The following LTBP1 variants were observed in gnomAD, a reference collection of about 807,000 sequenced individuals.
LTBP1 encodes the protein latent-transforming growth factor beta-binding protein 1.
LTBP1 carries 129 observed loss-of-function variants against 207.6 expected under a neutral mutation model. The observed-to-expected ratio is 0.62, with a 90% CI of 0.54 to 0.72. The LOEUF (loss-of-function observed/expected upper bound fraction) is 0.72, where lower values mean the gene tolerates loss of function less well. Ranked by LOEUF, LTBP1 falls within the 30% of genes least tolerant of loss-of-function variation. The pLI is 0.00. For missense variants in LTBP1, 2,281 were observed against 2,217.2 expected (o/e 1.03, Z -0.58); for synonymous variants, 963 against 833.7 (o/e 1.16, Z -2.67).
chr2:33,354,198 A>G (rs997890765), intron 26 of LTBP1, among the ~76,000 whole-genome samples: 30 of 152,110 alleles, frequency 2.0e-4, no homozygotes, highest in African/African-American at 7.2e-4. Context: ...AGGAAGCCAC[A>G]TGTGACAATC....
intron 19 of LTBP1, among the ~76,000 whole-genome samples, chr2:33,288,213 C>T (rs1349072162): frequency 1.3e-5 from 2 of 152,124 alleles, no homozygotes; most frequent in Non-Finnish European, 2.9e-5. Flanking sequence ...AATTACTGCT[C>T]CGGGACAAAT....
At chr2:32,970,320 T>A (rs1052236473) in intron 2 of LTBP1, among the ~76,000 whole-genome samples, 1 of 152,226 alleles carries the variant, frequency 6.6e-6, no homozygotes, top group Non-Finnish European at 1.5e-5. Flanking sequence ...TTTGGCATCT[T>A]TGTCATGAAA....
chr2:33,220,658 A>G (rs2091045098), intron 8 of LTBP1, among the ~76,000 whole-genome samples: 1 of 152,198 alleles, frequency 6.6e-6, no homozygotes, highest in African/African-American at 2.4e-5. Flanking sequence ...TTCTAAAACA[A>G]GTTCATATCC....
chr2:33,329,480 A>G (rs545499696), intron 24 of LTBP1, among the ~76,000 whole-genome samples: 210 of 152,252 alleles, frequency 1.4e-3, no homozygotes, highest in Admixed American at 3.6e-3. Context: ...CCCTAAAGTC[A>G]TTAAGGTACT....
intron 18 of LTBP1, among the ~76,000 whole-genome samples, chr2:33,277,795 T>TTCTTTCTTTCTTTCTC (rs1394277684): frequency 9.3e-6 from 1 of 107,968 alleles, no homozygotes; most frequent in African/African-American, 4.0e-5. Flanking sequence ...CTTTCTTTCT[T>TTCTTTCTTTCTTTCTC]TCTCTCTCTC....
intron 7 of LTBP1, among the ~76,000 whole-genome samples, chr2:33,205,807 G>A (rs2089819697): frequency 6.6e-6 from 1 of 152,174 alleles, no homozygotes; most frequent in East Asian, 1.9e-4. Flanking sequence ...GGTTAAGTGA[G>A]ATCATAAGGG....
At chr2:32,998,512 T>TAAAAAA (rs769287082) in intron 2 of LTBP1, among the ~76,000 whole-genome samples, 5 of 29,236 alleles carry the variant, frequency 1.7e-4, no homozygotes, top group African/African-American at 4.3e-4. Flanking sequence ...GACTCCATCT[T>TAAAAAA]AAAAAAAAAA....
chr2:33,277,797 CTCTCTCTCTTTCTTTT>C lies in LTBP1; in HGVS notation c.2992+1876_2992+1891del, dbSNP rs372155225. On this transcript the variant is annotated intron_variant, in intron 18 of 33. Transcript: ENST00000404816. Reference sequence around the variant, plus strand: ...TCTTTCTTTCTTTCTTTCTTTCTTTCTCTCTCTCTTTCTTTTTTTCTTTCTTTCTTTCTTTTTTTTT... The same window carrying C: ...TCTTTCTTTCTTTCTTTCTTTCTTTCTTTCTTTCTTTCTTTCTTTTTTTTT... Among the ~76,000 whole-genome samples the C allele has an allele frequency of 1.5e-3, 119 of 80,276 alleles. 1 individual carries two copies. The highest frequency in any genetic ancestry group is 3.0e-3 in the African/African-American group (57 of 19,082). 52.7% of individuals were successfully genotyped at this position (80,276 alleles called of 152,430 possible).
chr2:33,354,316 A>G (rs2094824898), intron 26 of LTBP1, among the ~76,000 whole-genome samples: 1 of 152,170 alleles, frequency 6.6e-6, no homozygotes. Context: ...GATTGGAAAA[A>G]CAAGACTTTT....
chr2:33,182,115 A>G (rs971806761), intron 5 of LTBP1, among the ~76,000 whole-genome samples: 3 of 152,104 alleles, frequency 2.0e-5, no homozygotes, highest in African/African-American at 7.2e-5. Flanking sequence ...TAAATACTGG[A>G]CTTTTATTGG....
chr2:33,252,078 C>T (rs1036422595), intron 10 of LTBP1, among the ~76,000 whole-genome samples: 1 of 152,196 alleles, frequency 6.6e-6, no homozygotes, highest in Admixed American at 6.5e-5. Context: ...TCATCTCTTC[C>T]TTCTCTGGTG....
intron 19 of LTBP1, among the ~76,000 whole-genome samples, chr2:33,280,780 T>C (rs553448724): frequency 2.0e-4 from 30 of 152,278 alleles, no homozygotes; most frequent in Middle Eastern, 3.4e-3. Flanking sequence ...CTTAAGAACT[T>C]ACTATAGGCT....
chr2:33,197,229 A>G (rs2088666557), intron 7 of LTBP1, among the ~76,000 whole-genome samples: 1 of 152,212 alleles, frequency 6.6e-6, no homozygotes, highest in South Asian at 2.1e-4. Context: ...GACAGACAGG[A>G]GTGGTTTTCT....
At chr2:32,957,684 G>T (rs1678313646) in intron 2 of LTBP1, among the ~76,000 whole-genome samples, 1 of 152,190 alleles carries the variant, frequency 6.6e-6, no homozygotes, top group Non-Finnish European at 1.5e-5. Flanking sequence ...GAGACAGAAA[G>T]TGAGCACTTG....
chr2:33,274,832 C>G, intron 16 of LTBP1, 133 bp from the exon 17 acceptor site: 1 of 779,042 alleles, frequency 1.3e-6, no homozygotes, highest in South Asian at 1.7e-5. Flanking sequence ...AAGATCGTGT[C>G]TCCTTTTGCT....
rs375518854 is a variant in LTBP1 at position 33,252,335 on chromosome 2, T to A, written c.2000-342T>A. ...CTGTGGTTAAATATAGAAAACTAGGTAGTGATTTTGGCAGTAGGTGACTAG... is the reference window on the plus strand; with the variant it reads ...CTGTGGTTAAATATAGAAAACTAGGAAGTGATTTTGGCAGTAGGTGACTAG... On this transcript the variant is annotated intron_variant, in intron 10 of 33. Transcript: ENST00000404816. Among the ~76,000 whole-genome samples, 77 of 152,316 alleles carry A rather than the reference T, an allele frequency of 5.1e-4. No individual in the cohort carries two copies. The South Asian group carries it at 0.011, about 22-fold the overall frequency.
intron 22 of LTBP1, among the ~76,000 whole-genome samples, chr2:33,302,315 A>G (rs2094001731): frequency 6.6e-6 from 1 of 152,296 alleles, no homozygotes. Flanking sequence ...GTTTCACTGC[A>G]TTTAGAGCCT....
intron 31 of LTBP1, among the ~76,000 whole-genome samples, chr2:33,370,088 T>C (rs2095048663): frequency 8.5e-6 from 1 of 117,472 alleles, no homozygotes; most frequent in Non-Finnish European, 1.9e-5. Flanking sequence ...CATGTGAAAA[T>C]AATATCTGCC....
At chr2:33,176,514 C>T (rs62146677) in intron 5 of LTBP1, among the ~76,000 whole-genome samples, 66,096 of 151,034 alleles carry the variant, frequency 0.44, 15,114 homozygotes, top group Non-Finnish European at 0.5. Flanking sequence ...CGTGAGCCAC[C>T]ATGCCTGGCT....
Sources: gnomAD v4.1 joint callset for allele counts (sites outside exome capture counted in the v4.1 genomes callset) on GRCh38, gnomAD v4.1.1 for gene constraint, MANE v1.5 for transcripts, NCBI Gene and HGNC (gene_info 2026-07-23, HGNC 2026-07-21) for gene names.